The following TENM4 variants were observed in gnomAD, a reference collection of about 807,000 sequenced individuals.
TENM4 encodes teneurin transmembrane protein 4.
A neutral mutation model predicts 243.3 loss-of-function variants in TENM4; 82 were observed. The ratio of observed to expected loss-of-function variants is 0.34; its 90% CI spans 0.28 to 0.40. The LOEUF (loss-of-function observed/expected upper bound fraction) is 0.40. Among genes scored for constraint, TENM4 ranks in the 10% least tolerant of loss-of-function variants. The pLI, the probability that TENM4 is intolerant of heterozygous loss-of-function variation, is 1.00. For synonymous variants in TENM4, 1,412 were observed against 1,456.3 expected (o/e 0.97, Z 0.69); for missense variants, 3,138 against 3,673.3 (o/e 0.85, Z 3.77).
At chr11:79,273,721 T>C (rs1043669531) in intron 2 of TENM4, among the ~76,000 whole-genome samples, 2 of 152,134 alleles carry the variant, frequency 1.3e-5, no homozygotes, top group African/African-American at 2.4e-5. Flanking sequence ...GATCTCGAGG[T>C]TGGCTGGCTG....
chr11:78,851,370 C>A (rs1431511621), intron 12 of TENM4, among the ~76,000 whole-genome samples: 3 of 152,174 alleles, frequency 2.0e-5, no homozygotes, highest in Admixed American at 6.5e-5. Flanking sequence ...GAAAAGAAGA[C>A]CGTCTCCCTA....
chr11:78,784,266 C>T (rs1856892021), intron 16 of TENM4, among the ~76,000 whole-genome samples: 1 of 152,166 alleles, frequency 6.6e-6, no homozygotes, highest in South Asian at 2.1e-4. Context: ...CAAGGAAATG[C>T]TTCTTGTTAC....
intron 4 of TENM4, among the ~76,000 whole-genome samples, chr11:79,129,359 G>C (rs2137155782): frequency 1.3e-5 from 2 of 152,310 alleles, no homozygotes; most frequent in Admixed American, 1.3e-4. Context: ...ATTTGAACGG[G>C]GTGAGAAGGC....
intron 2 of TENM4, among the ~76,000 whole-genome samples, chr11:79,291,136 A>G (rs138219441): frequency 0.017 from 2,597 of 152,268 alleles, 42 homozygotes; most frequent in Non-Finnish European, 0.03. Flanking sequence ...GTAAACAAAT[A>G]GCCAAACCCC....
chr11:79,109,645 C>T (rs1029615239), intron 4 of TENM4, among the ~76,000 whole-genome samples: 1 of 152,240 alleles, frequency 6.6e-6, no homozygotes, highest in Non-Finnish European at 1.5e-5. Context: ...TGTAAAATAG[C>T]TATGAAGTGT....
At chr11:79,228,412 GTTAA>G (rs1864312631) in intron 2 of TENM4, among the ~76,000 whole-genome samples, 1 of 152,216 alleles carries the variant, frequency 6.6e-6, no homozygotes, top group Non-Finnish European at 1.5e-5. Context: ...CAGCAGGGCT[GTTAA>G]TGAACTGCCG....
intron 2 of TENM4, among the ~76,000 whole-genome samples, chr11:79,243,506 G>T (rs1487003900): frequency 1.3e-5 from 2 of 152,150 alleles, no homozygotes; most frequent in African/African-American, 4.8e-5. Context: ...AGCTTTCCAA[G>T]AGTAAAACAG....
At chr11:79,121,223 C>A (rs80039876) in intron 4 of TENM4, among the ~76,000 whole-genome samples, 3,937 of 151,560 alleles carry the variant, frequency 0.026, 173 homozygotes, top group African/African-American at 0.089. Context: ...TTTCTAGGAG[C>A]TTTCCTGTCT....
At chr11:79,259,866 G>A (rs1205702693) in intron 2 of TENM4, among the ~76,000 whole-genome samples, 1 of 152,188 alleles carries the variant, frequency 6.6e-6, no homozygotes, top group Non-Finnish European at 1.5e-5. Flanking sequence ...CACGCAAGAT[G>A]GGTTAATATC....
At chr11:79,278,077 A>C (rs1343680476) in intron 2 of TENM4, among the ~76,000 whole-genome samples, 2 of 152,242 alleles carry the variant, frequency 1.3e-5, no homozygotes, top group Non-Finnish European at 2.9e-5. Context: ...CACTCAGAGA[A>C]GAAAGAGAAA....
chr11:79,311,700 T>A (rs1034002726), intron 1 of TENM4, among the ~76,000 whole-genome samples: 1 of 152,170 alleles, frequency 6.6e-6, no homozygotes, highest in Non-Finnish European at 1.5e-5. Context: ...AGTGTGTACA[T>A]GGTGGCCACC....
At chr11:79,165,703 A>G (rs1406875086) in intron 3 of TENM4, among the ~76,000 whole-genome samples, 1 of 152,170 alleles carries the variant, frequency 6.6e-6, no homozygotes, top group Admixed American at 6.5e-5. Context: ...TTGATCATAA[A>G]GTCTTTGTCT....
At chr11:79,214,551 C>T (rs72937332) in intron 3 of TENM4, among the ~76,000 whole-genome samples, 8,328 of 152,212 alleles carry the variant, frequency 0.055, 240 homozygotes, top group Middle Eastern at 0.11. Flanking sequence ...ATTTGGAAGA[C>T]CTTTGACAAG....
At chr11:79,176,737 A>C (rs918050984) in intron 3 of TENM4, among the ~76,000 whole-genome samples, 1 of 152,204 alleles carries the variant, frequency 6.6e-6, no homozygotes, top group Non-Finnish European at 1.5e-5. Flanking sequence ...TTTAGTATAT[A>C]GTAATATATG....
intron 3 of TENM4, chr11:79,193,276 A>C (rs1441363648): frequency 6.6e-6 from 1 of 152,344 alleles, no homozygotes; most frequent in East Asian, 1.9e-4. Flanking sequence ...CCAAGACCTC[A>C]CAAGTAGTGA....
intron 4 of TENM4, among the ~76,000 whole-genome samples, chr11:79,140,146 A>G (rs1486215895): frequency 6.6e-6 from 1 of 151,938 alleles, no homozygotes; most frequent in Non-Finnish European, 1.5e-5. Flanking sequence ...TCAACTCCCC[A>G]GAATCATAGG....
intron 1 of TENM4, among the ~76,000 whole-genome samples, chr11:79,313,489 C>T (rs1023310845): frequency 3.9e-5 from 6 of 152,202 alleles, no homozygotes; most frequent in Admixed American, 3.9e-4. Context: ...AGCTAGTGAA[C>T]TTCCCTTAGC....
At chr11:79,000,744 G>C (rs1457241904) in intron 6 of TENM4, among the ~76,000 whole-genome samples, 1 of 152,200 alleles carries the variant, frequency 6.6e-6, no homozygotes, top group Non-Finnish European at 1.5e-5. Flanking sequence ...AAAGCAAATA[G>C]GAAGGGCCGG....
At position 79,064,814 on chromosome 11, in the gene TENM4, C is replaced by T. The variant is rs748946221; in HGVS notation, c.417G>A (p.Gly139=). 1 of 1,551,538 alleles carries T rather than the reference C, an allele frequency of 6.4e-7. No individual in the cohort carries two copies. Among genetic ancestry groups the T allele is most frequent in the South Asian group, 1.2e-5 (1 of 84,064 alleles). Residue 139 remains glycine, a synonymous_variant, in exon 6 of 34, where the codon GGG becomes GGA. Transcript: ENST00000278550. ...VRLWGRSTRS[G]RSSCLSSRAN... Reference sequence around the variant, plus strand: ...CCCGGCTGGACAGGCAGGAGCTGCGCCCTGACCGTGTGCTCCGGCCCCACA... The same window carrying T: ...CCCGGCTGGACAGGCAGGAGCTGCGTCCTGACCGTGTGCTCCGGCCCCACA...
Sources: gnomAD v4.1 joint callset for allele counts (sites outside exome capture counted in the v4.1 genomes callset) on GRCh38, gnomAD v4.1.1 for gene constraint, MANE v1.5 for transcripts, NCBI Gene and HGNC (gene_info 2026-07-23, HGNC 2026-07-21) for gene names.